TTC7B: variants seen among roughly 807,000 people sequenced by gnomAD.
The protein encoded by TTC7B is tetratricopeptide repeat protein 7B.
In TTC7B, 28 loss-of-function variants were observed where a neutral mutation model predicts 106.8. The observed-to-expected ratio is 0.26, with a 90% confidence interval of 0.19 to 0.36. The LOEUF (loss-of-function observed/expected upper bound fraction) is 0.36, where lower values mean the gene tolerates loss of function less well. Among genes scored for constraint, TTC7B ranks in the 10% least tolerant of loss-of-function variants. The pLI, the probability that TTC7B is intolerant of heterozygous loss-of-function variation, is 1.00. For missense variants in TTC7B, 862 were observed against 1,076.4 expected (o/e 0.80, Z 2.79); for synonymous variants, 405 against 430.6 (o/e 0.94, Z 0.74).
intron 19 of TTC7B, among the ~76,000 whole-genome samples, chr14:90,566,389 G>T (rs769541757): frequency 6.6e-6 from 1 of 152,056 alleles, no homozygotes; most frequent in African/African-American, 2.4e-5. Context: ...TCAATGCAAG[G>T]TTGCCACAAA....
Position 90,680,527 on chromosome 14 carries a change from CA to C in TTC7B, c.958del (p.Cys320ValfsTer14). 1 of 1,613,226 alleles carries C rather than the reference CA, an allele frequency of 6.2e-7. No individual in the cohort carries two copies. Reference sequence around the variant, plus strand: ...GGCTTCTTCCGTATTTTCTTGAGGACAAAAAATGCTGCAGTTGAAAGAAAAC... The same window carrying C: ...GGCTTCTTCCGTATTTTCTTGAGGACAAAAATGCTGCAGTTGAAAGAAAAC... ...ARVYSGENIF[C>X]PQENTEEALL... On this transcript the variant is annotated frameshift_variant, in exon 8 of 20. Transcript: ENST00000328459. LOFTEE classifies it high-confidence loss of function.
chr14:90,657,584 A>C lies in TTC7B; in HGVS notation c.1237-306T>G, dbSNP rs1477826233. 7.6e-6 allele frequency: 2 copies of C among 263,294 alleles called. No individual in the cohort carries two copies. Among genetic ancestry groups the C allele is most frequent in the Non-Finnish European group, 1.5e-5 (2 of 137,498 alleles). The allele number at this position is 263,294 out of a possible 1,614,324, so 16.3% of individuals were successfully genotyped here. On this transcript the variant is annotated intron_variant, in intron 10 of 19. Transcript: ENST00000328459. This position sits in a 1 kb window ranked among gnomAD's most constrained non-coding sequence, Gnocchi z 4.2. The stretch of plus-strand genomic sequence containing the variant: ...GATGGTGGAAGTTTGTTCTTATAAA[A>C]GGTAAATATCTAATTTAAGGCACAA...
At chr14:90,552,950 T>G (rs917024642) in intron 19 of TTC7B, among the ~76,000 whole-genome samples, 1 of 152,084 alleles carries the variant, frequency 6.6e-6, no homozygotes, top group African/African-American at 2.4e-5. Context: ...CAGTCAGACA[T>G]AGGGGTGTGG....
At chr14:90,669,053 A>T (rs1211850319) in intron 9 of TTC7B, among the ~76,000 whole-genome samples, 1 of 152,146 alleles carries the variant, frequency 6.6e-6, no homozygotes, top group Non-Finnish European at 1.5e-5. Context: ...TCCAGGAAAA[A>T]ATTCATAAAT....
rs539444247 is a variant in TTC7B at position 90,644,283 on chromosome 14, G to A, written c.1591-75C>T. 1.3e-3 allele frequency: 1,348 copies of A among 1,029,296 alleles called. 9 individuals are homozygous for A. The African/African-American group carries it at 0.018, about 14-fold the overall frequency. The allele number at this position is 1,029,296 out of a possible 1,614,324, so 63.8% of individuals were successfully genotyped here. Reference sequence around the variant, plus strand: ...CACACACACACACACACACACACGCGCGAAAGAAGCCATCTTTTCAATGTC... The same window carrying A: ...CACACACACACACACACACACACGCACGAAAGAAGCCATCTTTTCAATGTC... On this transcript the variant is annotated intron_variant, in intron 14 of 19. Transcript: ENST00000328459.
intron 17 of TTC7B, among the ~76,000 whole-genome samples, chr14:90,596,033 A>G (rs887702992): frequency 1.3e-5 from 2 of 152,210 alleles, no homozygotes; most frequent in Non-Finnish European, 2.9e-5. Flanking sequence ...GAATCTCTTC[A>G]GACTCTAAAA....
chr14:90,780,721 GA>G lies in TTC7B; in HGVS notation c.445+16del. On this transcript the variant is annotated intron_variant, in intron 3 of 19. Coordinates refer to ENST00000328459, the MANE Select transcript of TTC7B (RefSeq NM_001010854.2). ...CTCCAGGTCACGGGACACTGTGTTA[GA>G]AGGCACGGGCCTCACCTTTGGTAGC... 6.2e-7 allele frequency: 1 copy of G among 1,612,026 alleles called. No individual in the cohort carries two copies. Among genetic ancestry groups the G allele is most frequent in the South Asian group, 1.1e-5 (1 of 90,914 alleles).
chr14:90,660,965 G>T (rs1886179916), intron 9 of TTC7B, among the ~76,000 whole-genome samples: 2 of 152,228 alleles, frequency 1.3e-5, no homozygotes, highest in Non-Finnish European at 2.9e-5. Context: ...CTCATCCTAC[G>T]CCATGGGACA....
Position 90,610,842 on chromosome 14 carries a change from G to A in TTC7B, c.1869-3C>T. 6.2e-7 allele frequency: 1 copy of A among 1,607,794 alleles called. No homozygotes were observed. The highest frequency in any genetic ancestry group is 8.5e-7 in the Non-Finnish European group (1 of 1,174,234). Reference sequence around the variant, plus strand: ...GGCTGCTCCCACGTCCAGAATCACTGCAAAACACAGCTACAAATGTCAGTC... The same window carrying A: ...GGCTGCTCCCACGTCCAGAATCACTACAAAACACAGCTACAAATGTCAGTC... On this transcript the variant is annotated splice_region_variant and splice_polypyrimidine_tract_variant and intron_variant, in intron 16 of 19. Transcript: ENST00000328459.
At chr14:90,633,506 C>T (rs139221299) in intron 15 of TTC7B, among the ~76,000 whole-genome samples, 58 of 152,328 alleles carry the variant, frequency 3.8e-4, no homozygotes, top group African/African-American at 1.4e-3. Context: ...ATGATACTAT[C>T]TAATATATAT....
At chr14:90,731,069 C>T (rs1354621217) in intron 4 of TTC7B, among the ~76,000 whole-genome samples, 3 of 152,172 alleles carry the variant, frequency 2.0e-5, no homozygotes, top group Non-Finnish European at 4.4e-5. Flanking sequence ...CCTCAGCCTC[C>T]CAAGTAGCTG....
At chr14:90,777,464 G>A (rs1252727378) in intron 3 of TTC7B, among the ~76,000 whole-genome samples, 1 of 152,120 alleles carries the variant, frequency 6.6e-6, no homozygotes, top group African/African-American at 2.4e-5. Flanking sequence ...GCTGAACCAT[G>A]CAGGCTTCCG....
intron 19 of TTC7B, among the ~76,000 whole-genome samples, chr14:90,560,173 A>G (rs1890511095): frequency 6.6e-6 from 1 of 152,228 alleles, no homozygotes; most frequent in Admixed American, 6.5e-5. Context: ...ATCTGAGTCC[A>G]GTGGTGTCAG....
Position 90,533,986 on chromosome 14 carries a change from C to T in TTC7B, c.*7382G>A, listed in dbSNP as rs993363397. On this transcript the variant is annotated 3_prime_UTR_variant, in exon 20 of 20. Transcript: ENST00000328459. ...TGGCACACACCACCTCTGACAGCTG[C>T]CTGCAGACTCACATCTCAGCCCAGA... 3.3e-5 allele frequency: 5 copies of T among 152,326 alleles called. No individual in the cohort carries two copies. Among genetic ancestry groups the T allele is most frequent in the African/African-American group, 1.2e-4 (5 of 41,466 alleles). The allele number at this position is 152,326 out of a possible 1,614,324, so 9.4% of individuals were successfully genotyped here. A position where few individuals can be genotyped will look rare whatever the true frequency, so the allele number is the denominator to read the frequency against.
intron 3 of TTC7B, chr14:90,766,783 A>G: frequency 6.3e-7 from 1 of 1,577,628 alleles, no homozygotes; most frequent in Non-Finnish European, 8.7e-7. Context: ...CTGGTTCTTG[A>G]ACACACAGAA....
intron 19 of TTC7B, among the ~76,000 whole-genome samples, chr14:90,561,166 A>C (rs11844120): frequency 0.016 from 2,402 of 152,302 alleles, 69 homozygotes; most frequent in African/African-American, 0.055. Flanking sequence ...TGCAGTGGGC[A>C]TGCTCCGCTC....
chr14:90,801,671 AAGGACCTGGG>A (rs2030275725), intron 1 of TTC7B, among the ~76,000 whole-genome samples: 1 of 152,192 alleles, frequency 6.6e-6, no homozygotes, highest in South Asian at 2.1e-4. Flanking sequence ...ACTGAGCGGG[AAGGACCTGGG>A]AAGAGAAACC....
At position 90,676,630 on chromosome 14, in the gene TTC7B, G is replaced by C; in HGVS notation, c.1045C>G (p.Pro349Ala). The change falls in exon 9 of 20, where the codon CCT becomes GCT. Residue 349 changes from proline (P) to alanine (A), a missense_variant. Coordinates refer to ENST00000328459, the MANE Select transcript of TTC7B (RefSeq NM_001010854.2). ...ATGAGGCGGTCACTCTTGTGTTCAG[G>C]TATCCTGCTCAGCACAGCGTCCCGG... ...ANRDAVLSRI[P>A]EHKSDRLISL... 6.2e-7 allele frequency: 1 copy of C among 1,614,068 alleles called. No homozygotes were observed. Among genetic ancestry groups the C allele is most frequent in the Non-Finnish European group, 8.5e-7 (1 of 1,179,994 alleles).
rs904167013 is a variant in TTC7B at position 90,528,674 on chromosome 14, T to A, written c.*12694A>T. ...GTTGTTTCTGATGGTGTGACCCGAC[T>A]GTGTTTTGTTACCTGTTTCCGATGG... On this transcript the variant is annotated 3_prime_UTR_variant, in exon 20 of 20. Transcript: ENST00000328459. 1 of 153,092 alleles carries A rather than the reference T, an allele frequency of 6.5e-6. No individual in the cohort carries two copies. Among genetic ancestry groups the A allele is most frequent in the Non-Finnish European group, 1.5e-5 (1 of 68,880 alleles). The allele number at this position is 153,092 out of a possible 1,614,324, so 9.5% of individuals were successfully genotyped here. A position where few individuals can be genotyped will look rare whatever the true frequency, so the allele number is the denominator to read the frequency against.
Sources: gnomAD v4.1 joint callset for allele counts (sites outside exome capture counted in the v4.1 genomes callset) on GRCh38, gnomAD v4.1.1 for gene constraint, Gnocchi (gnomAD v3.1) non-coding constraint, MANE v1.5 for transcripts, NCBI Gene and HGNC (gene_info 2026-07-23, HGNC 2026-07-21) for gene names.